CNTN5: variants seen among roughly 807,000 people sequenced by gnomAD.
The protein encoded by CNTN5 is contactin-5.
Under a neutral mutation model 129.1 loss-of-function variants are expected in CNTN5, and 77 were observed. That is an observed-to-expected ratio of 0.60 (90% confidence interval 0.50 to 0.72). The LOEUF (loss-of-function observed/expected upper bound fraction) is 0.72. Ranked by LOEUF, CNTN5 falls within the 30% of genes least tolerant of loss-of-function variation. CNTN5 has a pLI of 0.00. For missense variants in CNTN5, 1,478 were observed against 1,328.8 expected, an observed-to-expected ratio of 1.11 and a Z score of -1.75; for synonymous variants, 509 against 465.6, an observed-to-expected ratio of 1.09 and a Z score of -1.20.
At chr11:100,088,952 A>C (rs1175741178) in intron 13 of CNTN5, among the ~76,000 whole-genome samples, 2 of 152,120 alleles carry the variant, frequency 1.3e-5, no homozygotes, top group Admixed American at 1.3e-4. Flanking sequence ...CTACAGGCCA[A>C]TATCCCCAAT....
At chr11:99,197,073 C>T (rs560308217) in intron 1 of CNTN5, among the ~76,000 whole-genome samples, 2 of 151,842 alleles carry the variant, frequency 1.3e-5, no homozygotes, top group African/African-American at 4.8e-5. Context: ...AGAAAAATGA[C>T]CCTGTTTTCA....
intron 3 of CNTN5, among the ~76,000 whole-genome samples, chr11:99,798,237 G>A (rs139851978): frequency 6.6e-6 from 1 of 151,700 alleles, no homozygotes; most frequent in Non-Finnish European, 1.5e-5. Flanking sequence ...GCATTGGTTT[G>A]CTTAGGATAA....
chr11:99,030,942 G>A (rs1037162501), intron 1 of CNTN5, among the ~76,000 whole-genome samples: 5 of 151,808 alleles, frequency 3.3e-5, no homozygotes, highest in African/African-American at 1.2e-4. Flanking sequence ...CACCACGCCT[G>A]GCTAATTTTT....
chr11:99,610,427 A>G (rs1237630862), intron 3 of CNTN5, among the ~76,000 whole-genome samples: 1 of 152,176 alleles, frequency 6.6e-6, no homozygotes, highest in East Asian at 1.9e-4. Context: ...AATGGGATCC[A>G]AATGATGAAT....
intron 1 of CNTN5, among the ~76,000 whole-genome samples, chr11:99,057,228 T>C (rs1049823501): frequency 1.3e-5 from 2 of 151,832 alleles, no homozygotes; most frequent in African/African-American, 4.8e-5. Flanking sequence ...CTGAAGATTT[T>C]CTAGAAAAGC....
At chr11:99,329,385 G>T (rs1591530448) in intron 2 of CNTN5, among the ~76,000 whole-genome samples, 2 of 152,104 alleles carry the variant, frequency 1.3e-5, no homozygotes, top group African/African-American at 4.8e-5. Flanking sequence ...TATTTCCGTT[G>T]TGGAAATAAC....
At chr11:99,583,461 G>T (rs1466322931) in intron 3 of CNTN5, among the ~76,000 whole-genome samples, 1 of 152,190 alleles carries the variant, frequency 6.6e-6, no homozygotes, top group African/African-American at 2.4e-5. Context: ...CTTGAGCTGT[G>T]GTGGGCTCCA....
chr11:100,100,961 A>G (rs1219208969), intron 13 of CNTN5, among the ~76,000 whole-genome samples: 1 of 152,136 alleles, frequency 6.6e-6, no homozygotes, highest in Non-Finnish European at 1.5e-5. Flanking sequence ...CAATATCTAC[A>G]AATTATCGAA....
At position 99,121,135 on chromosome 11, in the gene CNTN5, C is replaced by CT. The variant is rs575121058; in HGVS notation, c.-210+99882dup. 3.2e-3 allele frequency among the ~76,000 whole-genome samples: 402 copies of CT among 125,204 alleles called. 1 individual carries two copies. The highest frequency in any genetic ancestry group is 4.8e-3 in the East Asian group (23 of 4,838). The allele number at this position is 125,204 out of a possible 152,430, so 82.1% of individuals were successfully genotyped here. On this transcript the variant is annotated intron_variant, in intron 1 of 24. Transcript: ENST00000524871. ...GGTTTTAACTGTTCTTTCTTTCTTT[C>CT]TTTTTTTTTTTTTTTTTGAGATCGA...
At chr11:100,005,819 G>A (rs1220597009) in intron 9 of CNTN5, among the ~76,000 whole-genome samples, 2 of 151,952 alleles carry the variant, frequency 1.3e-5, no homozygotes, top group Non-Finnish European at 2.9e-5. Flanking sequence ...ATGGTTTGAG[G>A]GACAAACAAA....
In CNTN5 at chr11:100,041,814, C is replaced by T. The variant is rs532582591; in HGVS notation, c.981-19398C>T. 4.6e-5 allele frequency among the ~76,000 whole-genome samples: 7 copies of T among 152,198 alleles called. No homozygotes were observed. In the South Asian group the frequency reaches 1.5e-3, roughly 32 times the overall value. ...CACAGAGACTGTCAAGCTTCTTTACCTAAATTAGATTCTTTGCCTAAGATA... is the reference window on the plus strand; with the variant it reads ...CACAGAGACTGTCAAGCTTCTTTACTTAAATTAGATTCTTTGCCTAAGATA... On this transcript the variant is annotated intron_variant, in intron 9 of 24. Coordinates refer to ENST00000524871, the MANE Select transcript of CNTN5 (RefSeq NM_014361.4).
intron 21 of CNTN5, among the ~76,000 whole-genome samples, chr11:100,329,976 G>T (rs1400184162): frequency 1.3e-5 from 2 of 152,132 alleles, no homozygotes; most frequent in Admixed American, 1.3e-4. Context: ...AAACCAAGAT[G>T]AAATCTCTGC....
intron 1 of CNTN5, among the ~76,000 whole-genome samples, chr11:99,234,861 C>T (rs1415398617): frequency 6.6e-6 from 1 of 152,052 alleles, no homozygotes; most frequent in Non-Finnish European, 1.5e-5. Context: ...ATCATCATCA[C>T]CAATAAAAAC....
intron 3 of CNTN5, among the ~76,000 whole-genome samples, chr11:99,814,081 A>T (rs181701835): frequency 2.2e-4 from 33 of 152,182 alleles, no homozygotes; most frequent in African/African-American, 8.0e-4. Context: ...TCTAACAAGC[A>T]TACAAAAAAT....
chr11:100,260,843 T>G lies in CNTN5; in HGVS notation c.2164+4925T>G, dbSNP rs550151946. On this transcript the variant is annotated intron_variant, in intron 17 of 24. Transcript: ENST00000524871. Reference sequence around the variant, plus strand: ...GATAAACACACAGCTAATATCATACTAAATGGGCAAAAACTGGAAGCATCC... The same window carrying G: ...GATAAACACACAGCTAATATCATACGAAATGGGCAAAAACTGGAAGCATCC... Among the ~76,000 whole-genome samples the G allele has an allele frequency of 1.3e-3, 201 of 152,294 alleles. 4 individuals are homozygous for G. In the South Asian group the frequency reaches 0.039, roughly 30 times the overall value.
intron 3 of CNTN5, among the ~76,000 whole-genome samples, chr11:99,706,241 G>A (rs1425555390): frequency 1.3e-5 from 2 of 151,494 alleles, no homozygotes; most frequent in East Asian, 2.0e-4. Context: ...TACATATTGG[G>A]AGATGTTGAT....
intron 10 of CNTN5, among the ~76,000 whole-genome samples, chr11:100,062,644 C>T (rs1458280896): frequency 6.6e-6 from 1 of 152,064 alleles, no homozygotes; most frequent in Non-Finnish European, 1.5e-5. Flanking sequence ...CTGCATTCTA[C>T]TCAGAGGAGT....
intron 2 of CNTN5, among the ~76,000 whole-genome samples, chr11:99,437,401 TAA>T (rs1943641435): frequency 6.6e-6 from 1 of 152,204 alleles, no homozygotes; most frequent in African/African-American, 2.4e-5. Flanking sequence ...TATTTTATGA[TAA>T]AGTTAATTGT....
In CNTN5 at chr11:100,294,047, C is replaced by T. The variant is rs113016188; in HGVS notation, c.2315-3578C>T. The stretch of plus-strand genomic sequence containing the variant: ...CCCTCCCTTCCCTCTTTTCATTCTT[C>T]AGCACCTTTCTTTCCAAACCAATTG... On this transcript the variant is annotated intron_variant, in intron 18 of 24. Transcript: ENST00000524871. 9.0e-3 allele frequency among the ~76,000 whole-genome samples: 1,369 copies of T among 151,752 alleles called. 12 individuals are homozygous for T. The highest frequency in any genetic ancestry group is 0.024 in the Middle Eastern group (7 of 294).
Sources: allele counts gnomAD v4.1 joint callset (sites outside exome capture counted in the v4.1 genomes callset), GRCh38; gene constraint gnomAD v4.1.1; transcripts MANE v1.5; gene names NCBI Gene and HGNC (gene_info 2026-07-23, HGNC 2026-07-21).